UNC13C: variants seen among roughly 807,000 people sequenced by gnomAD.
The protein encoded by UNC13C is unc-13 homolog C.
In UNC13C, 174 loss-of-function variants were observed where a neutral mutation model predicts 245.4. The observed-to-expected ratio is 0.71, with a 90% confidence interval of 0.63 to 0.80. UNC13C has a LOEUF of 0.80. Ranked by LOEUF, UNC13C falls within the 30% of genes least tolerant of loss-of-function variation. The probability of loss-of-function intolerance (pLI) is 0.00; values close to 1 mark genes in which losing one functional copy is unlikely to be tolerated. For missense variants in UNC13C, 2,829 were observed against 2,602.9 expected, an observed-to-expected ratio of 1.09 and a Z score of -1.89; for synonymous variants, 992 against 895.1, an observed-to-expected ratio of 1.11 and a Z score of -1.93.
At chr15:53,921,474 T>C in the UNC13C span, among the ~76,000 whole-genome samples, 1 of 152,236 alleles carries the variant, frequency 6.6e-6, no homozygotes, top group Admixed American at 6.5e-5. Context: ...CTGGTTGACA[T>C]TAAAGTTGGC....
intron 19 of UNC13C, among the ~76,000 whole-genome samples, chr15:54,484,014 A>G (rs1284277993): frequency 2.0e-5 from 3 of 151,842 alleles, no homozygotes; most frequent in Admixed American, 2.0e-4. Context: ...GGTCTTCCAT[A>G]CCTTTCATAC....
At chr15:54,286,328 A>G (rs1452360803) in intron 10 of UNC13C, among the ~76,000 whole-genome samples, 3 of 152,198 alleles carry the variant, frequency 2.0e-5, no homozygotes, top group Non-Finnish European at 2.9e-5. Flanking sequence ...AGCACTTACT[A>G]TTGAGATTTT....
intron 19 of UNC13C, among the ~76,000 whole-genome samples, chr15:54,443,995 G>A (rs1890669640): frequency 6.6e-6 from 1 of 151,286 alleles, no homozygotes; most frequent in Non-Finnish European, 1.5e-5. Flanking sequence ...AATACTGACA[G>A]TAAGTTCCCT....
intron 4 of UNC13C, among the ~76,000 whole-genome samples, chr15:54,221,076 G>A (rs1384910889): frequency 6.6e-6 from 1 of 151,966 alleles, no homozygotes; most frequent in Non-Finnish European, 1.5e-5. Flanking sequence ...TAAGAAATAA[G>A]TTAACAATTT....
At chr15:54,581,742 T>G (rs1222071735) in intron 30 of UNC13C, among the ~76,000 whole-genome samples, 1 of 152,242 alleles carries the variant, frequency 6.6e-6, no homozygotes, top group Admixed American at 6.5e-5. Context: ...TGCTAAATTT[T>G]GGGCTTTACC....
At chr15:54,131,509 T>G (rs2031412687) in intron 2 of UNC13C, among the ~76,000 whole-genome samples, 1 of 152,240 alleles carries the variant, frequency 6.6e-6, no homozygotes, top group Non-Finnish European at 1.5e-5. Context: ...GTTGTATCCC[T>G]TCTGAGATAG....
chr15:54,057,448 C>A (rs1232885249), intron 2 of UNC13C, among the ~76,000 whole-genome samples: 15 of 151,156 alleles, frequency 9.9e-5, no homozygotes, highest in Admixed American at 8.6e-4. Context: ...CAGGAGCACC[C>A]AGATTCATAA....
chr15:54,216,076 G>A (rs1352318157), intron 4 of UNC13C, among the ~76,000 whole-genome samples: 2 of 151,926 alleles, frequency 1.3e-5, no homozygotes, highest in Non-Finnish European at 2.9e-5. Context: ...GAGAGAGGAT[G>A]TGAGGATGAG....
chr15:53,961,321 T>C, the UNC13C span, among the ~76,000 whole-genome samples: 1 of 152,262 alleles, frequency 6.6e-6, no homozygotes, highest in Non-Finnish European at 1.5e-5. Context: ...CCCTCCTCTC[T>C]GAATTGCTTC....
the UNC13C span, among the ~76,000 whole-genome samples, chr15:53,954,980 G>C: frequency 1.3e-5 from 2 of 151,864 alleles, no homozygotes; most frequent in African/African-American, 4.8e-5. Context: ...ATAATGCTAA[G>C]AAATGAGCTG....
chr15:54,289,347 C>A (rs187932696), intron 10 of UNC13C, among the ~76,000 whole-genome samples: 5 of 151,948 alleles, frequency 3.3e-5, no homozygotes, highest in African/African-American at 1.2e-4. Flanking sequence ...AATAAAAAAG[C>A]TTCAGGTGGC....
chr15:54,296,800 A>G (rs2037448004), intron 11 of UNC13C, among the ~76,000 whole-genome samples: 1 of 152,184 alleles, frequency 6.6e-6, no homozygotes, highest in African/African-American at 2.4e-5. Flanking sequence ...CATTTGTGAA[A>G]TGGGTCAGAT....
Position 54,539,270 on chromosome 15 carries a change from T to C in UNC13C, c.5696+6204T>C, listed in dbSNP as rs777039588. On this transcript the variant is annotated intron_variant, in intron 26 of 32. Transcript: ENST00000260323. ...TATTTGGTAGGAAAATTAAGCCTTA[T>C]GTTTTGTTCTCTGTGGGGAAATATC... Among the ~76,000 whole-genome samples the C allele has an allele frequency of 3.7e-4, 56 of 152,016 alleles. 1 individual carries two copies. Among genetic ancestry groups the C allele is most frequent in the Admixed American group, 4.6e-4 (7 of 15,234 alleles).
At chr15:53,962,806 T>C in the UNC13C span, among the ~76,000 whole-genome samples, 4 of 152,336 alleles carry the variant, frequency 2.6e-5, no homozygotes, top group Non-Finnish European at 5.9e-5. Context: ...AAGCCTCTGC[T>C]CTAATTAATT....
chr15:54,197,089 A>G (rs1465682055), intron 4 of UNC13C, among the ~76,000 whole-genome samples: 2 of 152,166 alleles, frequency 1.3e-5, no homozygotes, highest in East Asian at 1.9e-4. Flanking sequence ...AAGGTATAAC[A>G]TTTGGAAAAT....
At chr15:54,404,567 G>T (rs559421002) in intron 18 of UNC13C, among the ~76,000 whole-genome samples, 1 of 152,140 alleles carries the variant, frequency 6.6e-6, no homozygotes, top group Admixed American at 6.5e-5. Flanking sequence ...TGAAGAAGAG[G>T]TAGAGCTCTA....
the UNC13C span, chr15:53,910,783 C>T: frequency 6.8e-6 from 1 of 146,934 alleles, no homozygotes; most frequent in East Asian, 2.0e-4. Flanking sequence ...ATGAGAGCTG[C>T]TGCTGAATAA....
chr15:54,012,400 T>G (rs1298975096), intron 1 of UNC13C, among the ~76,000 whole-genome samples: 1 of 152,164 alleles, frequency 6.6e-6, no homozygotes, highest in African/African-American at 2.4e-5. Context: ...ATAATTACCT[T>G]TTATTACTAT....
In UNC13C at chr15:54,038,518, C is replaced by T. The variant is rs562499785; in HGVS notation, c.2983+22632C>T. On this transcript the variant is annotated intron_variant, in intron 2 of 32. Coordinates refer to ENST00000260323, the MANE Select transcript of UNC13C (RefSeq NM_001080534.3). Reference sequence around the variant, plus strand: ...TAAGGAGGCTTTAAATTAATGTTATCTCCCATTTACAAATGAGGTTAGCAA... The same window carrying T: ...TAAGGAGGCTTTAAATTAATGTTATTTCCCATTTACAAATGAGGTTAGCAA... 1.1e-3 allele frequency among the ~76,000 whole-genome samples: 167 copies of T among 152,222 alleles called. 1 individual carries two copies. Among genetic ancestry groups the T allele is most frequent in the African/African-American group, 4.0e-3 (165 of 41,528 alleles).
Sources: allele counts gnomAD v4.1 joint callset (sites outside exome capture counted in the v4.1 genomes callset), GRCh38; gene constraint gnomAD v4.1.1; transcripts MANE v1.5; gene names NCBI Gene and HGNC (gene_info 2026-07-23, HGNC 2026-07-21).